The following ADGRB3 variants were observed in gnomAD, a reference collection of about 807,000 sequenced individuals.
ADGRB3 encodes the protein brain-specific angiogenesis inhibitor 3.
A neutral mutation model predicts 193.4 loss-of-function variants in ADGRB3; 37 were observed. The observed-to-expected ratio is 0.19, with a 90% CI of 0.15 to 0.25. ADGRB3 has a LOEUF of 0.25. Among genes scored for constraint, ADGRB3 ranks in the 10% least tolerant of loss-of-function variants. The pLI, the probability that ADGRB3 is intolerant of heterozygous loss-of-function variation, is 1.00. For missense variants in ADGRB3, 1,637 were observed against 1,852.9 expected (o/e 0.88, Z 2.14); for synonymous variants, 690 against 644.2 (o/e 1.07, Z -1.08).
At chr6:68,837,656 A>G (rs1469067802) in intron 3 of ADGRB3, among the ~76,000 whole-genome samples, 1 of 152,194 alleles carries the variant, frequency 6.6e-6, no homozygotes, top group African/African-American at 2.4e-5. Context: ...GAAGAAATAG[A>G]TATGGGCTTA....
Position 69,108,050 on chromosome 6 carries a change from A to AG in ADGRB3, c.2480+32012_2480+32013insG, listed in dbSNP as rs541823923. Among the ~76,000 whole-genome samples the AG allele has an allele frequency of 5.4e-5, 6 of 110,704 alleles. No homozygotes were observed. In the South Asian group the frequency reaches 1.5e-3, roughly 28 times the overall value. The allele number at this position is 110,704 out of a possible 152,430, so 72.6% of individuals were successfully genotyped here. ...CTTCCGAATCTAAAATAAAAATTGA[A>AG]AAAAAAAAAAAAGTCAGCCGAAGAA... On this transcript the variant is annotated intron_variant, in intron 17 of 31. Transcript: ENST00000370598.
intron 20 of ADGRB3, 112 bp downstream of exon 20, chr6:69,239,338 A>G (rs375784974): frequency 1.4e-6 from 1 of 726,038 alleles, no homozygotes; most frequent in Admixed American, 3.0e-5. Flanking sequence ...ACAAAATTAT[A>G]TTTTAAAGCA....
rs985106315 is a variant in ADGRB3 at position 68,885,872 on chromosome 6, T to G, written c.758-44687T>G. 6.6e-5 allele frequency among the ~76,000 whole-genome samples: 10 copies of G among 152,216 alleles called. No individual in the cohort carries two copies. The East Asian group carries it at 1.9e-3, about 29-fold the overall frequency. On this transcript the variant is annotated intron_variant, in intron 3 of 31. Transcript: ENST00000370598. The stretch of plus-strand genomic sequence containing the variant: ...AGAGGAAATGGTCAAATTTAGAGGC[T>G]TAGAGTCAAAATCCTAGACTAAGGC...
intron 30 of ADGRB3, among the ~76,000 whole-genome samples, chr6:69,379,356 C>A (rs1769897800): frequency 1.3e-5 from 2 of 151,852 alleles, no homozygotes; most frequent in African/African-American, 2.4e-5. Context: ...ATCAGATAAA[C>A]CCTAATGTCA....
At chr6:69,004,477 G>A (rs9454670) in intron 11 of ADGRB3, among the ~76,000 whole-genome samples, 77,521 of 150,898 alleles carry the variant, frequency 0.51, 21,020 homozygotes, top group Middle Eastern at 0.7. Flanking sequence ...GGTTTGTTAC[G>A]TATGTATACA....
intron 20 of ADGRB3, among the ~76,000 whole-genome samples, chr6:69,314,478 G>A (rs1173772181): frequency 6.6e-6 from 1 of 151,472 alleles, no homozygotes. Context: ...TAATTATGTA[G>A]AAAATAACCT....
intron 4 of ADGRB3, 57 bp from the exon 5 acceptor site, chr6:68,936,462 C>T (rs1767488367): frequency 6.5e-7 from 1 of 1,537,548 alleles, no homozygotes; most frequent in African/African-American, 1.4e-5. Context: ...TGGTATAATG[C>T]TTACTAGATG....
At chr6:69,243,819 ACTC>A (rs1766432598) in intron 20 of ADGRB3, among the ~76,000 whole-genome samples, 1 of 151,968 alleles carries the variant, frequency 6.6e-6, no homozygotes, top group Non-Finnish European at 1.5e-5. Flanking sequence ...GCATTCTTGG[ACTC>A]CTCCTAGAAT....
At chr6:69,094,282 G>A (rs2170509) in intron 17 of ADGRB3, among the ~76,000 whole-genome samples, 102,934 of 152,092 alleles carry the variant, frequency 0.68, 35,788 homozygotes, top group East Asian at 0.96. Context: ...AATTTAATTG[G>A]TGCATTTTGA....
chr6:69,102,555 C>A (rs946486413), intron 17 of ADGRB3, among the ~76,000 whole-genome samples: 1 of 152,078 alleles, frequency 6.6e-6, no homozygotes, highest in East Asian at 1.9e-4. Flanking sequence ...TGATTGAGGC[C>A]ACATTCCCTG....
At chr6:68,647,940 T>C (rs1768253367) in intron 3 of ADGRB3, among the ~76,000 whole-genome samples, 1 of 152,100 alleles carries the variant, frequency 6.6e-6, no homozygotes, top group South Asian at 2.1e-4. Flanking sequence ...CTTACATAAT[T>C]AGATACTAAA....
At position 68,657,695 on chromosome 6, in the gene ADGRB3, G is replaced by A. The variant is rs1768523779; in HGVS notation, c.757+18263G>A. On this transcript the variant is annotated intron_variant, in intron 3 of 31. Coordinates refer to ENST00000370598, the MANE Select transcript of ADGRB3 (RefSeq NM_001704.3). ...TTGTAAAGGGTTTTATCAAACCTTA[G>A]ACTTTGTAAACACTTTTAAAAACAC... Among the ~76,000 whole-genome samples the A allele has an allele frequency of 1.3e-5, 2 of 151,374 alleles. 1 individual carries two copies. The highest frequency in any genetic ancestry group is 4.1e-4 in the South Asian group (2 of 4,820).
intron 20 of ADGRB3, among the ~76,000 whole-genome samples, chr6:69,256,796 A>G (rs1212989318): frequency 2.0e-5 from 3 of 152,194 alleles, no homozygotes; most frequent in Admixed American, 1.3e-4. Flanking sequence ...TTCAAAGGGA[A>G]TGCTTCCAGT....
chr6:69,367,766 C>A (rs113719283), intron 29 of ADGRB3, among the ~76,000 whole-genome samples: 6,944 of 151,896 alleles, frequency 0.046, 508 homozygotes, highest in African/African-American at 0.16. Context: ...CAATGATAGA[C>A]TGGATTAAGA....
At chr6:69,103,950 T>C (rs1773138094) in intron 17 of ADGRB3, among the ~76,000 whole-genome samples, 1 of 152,108 alleles carries the variant, frequency 6.6e-6, no homozygotes, top group East Asian at 1.9e-4. Context: ...AAATTATACA[T>C]TAATATTGTT....
At chr6:69,162,475 GA>G (rs1775023449) in intron 17 of ADGRB3, among the ~76,000 whole-genome samples, 1 of 152,188 alleles carries the variant, frequency 6.6e-6, no homozygotes, top group South Asian at 2.1e-4. Flanking sequence ...GGAGTAACAA[GA>G]AATATATTTT....
intron 24 of ADGRB3, among the ~76,000 whole-genome samples, 172 bp from the exon 25 acceptor site, chr6:69,338,744 A>G (rs1768905935): frequency 6.6e-6 from 1 of 152,250 alleles, no homozygotes; most frequent in African/African-American, 2.4e-5. Context: ...GGTAAATGTT[A>G]CAAAGATAAT....
intron 8 of ADGRB3, among the ~76,000 whole-genome samples, chr6:68,960,608 T>C (rs1441710663): frequency 6.6e-6 from 1 of 152,158 alleles, no homozygotes; most frequent in African/African-American, 2.4e-5. Flanking sequence ...CAGGAGAGTC[T>C]TCCTTTGGTC....
intron 17 of ADGRB3, among the ~76,000 whole-genome samples, chr6:69,145,399 C>T (rs572522060): frequency 2.2e-4 from 34 of 152,290 alleles, no homozygotes; most frequent in East Asian, 9.7e-4. Context: ...AGCTTGGAGA[C>T]GCCAGGAACT....
Sources: gnomAD v4.1 joint callset for allele counts (sites outside exome capture counted in the v4.1 genomes callset) on GRCh38, gnomAD v4.1.1 for gene constraint, MANE v1.5 for transcripts, NCBI Gene and HGNC (gene_info 2026-07-23, HGNC 2026-07-21) for gene names.